Variants in TRIM44 observed in about 807,000 individuals in gnomAD.
The protein encoded by TRIM44 is tripartite motif-containing protein 44.
A neutral mutation model predicts 37.4 loss-of-function variants in TRIM44; 13 were observed. The ratio of observed to expected loss-of-function variants is 0.35; its 90% confidence interval spans 0.23 to 0.55. TRIM44 has a LOEUF of 0.55. TRIM44 is among the 20% of genes least tolerant of loss of function. The pLI is 0.89. For missense variants in TRIM44, 426 were observed against 437.2 expected, an observed-to-expected ratio of 0.97 and a Z score of 0.23; for synonymous variants, 175 against 157.2, an observed-to-expected ratio of 1.11 and a Z score of -0.85.
At chr11:35,755,949 G>T (rs886314159) in intron 4 of TRIM44, among the ~76,000 whole-genome samples, 10 of 151,874 alleles carry the variant, frequency 6.6e-5, no homozygotes, top group African/African-American at 2.2e-4. Context: ...GATGCCTCCA[G>T]CTTTGTTCTT....
At chr11:35,667,325 A>G (rs537982577) in intron 1 of TRIM44, among the ~76,000 whole-genome samples, 18 of 152,340 alleles carry the variant, frequency 1.2e-4, no homozygotes, top group African/African-American at 4.1e-4. Context: ...ATATACCTCA[A>G]AAGCCTGTGT....
Position 35,779,287 on chromosome 11 carries a change from C to T in TRIM44, c.1008-27071C>T, listed in dbSNP as rs552964855. Among the ~76,000 whole-genome samples, 297 of 152,290 alleles carry T rather than the reference C, an allele frequency of 2.0e-3. 2 individuals are homozygous for T. Among genetic ancestry groups the T allele is most frequent in the South Asian group, 4.6e-3 (22 of 4,820 alleles). ...CTCCTGGTGTGCCATTTGCTAAGAC[C>T]GTTGGAAAAGCGCAGTATTAGGGTG... On this transcript the variant is annotated intron_variant, in intron 4 of 4. Transcript: ENST00000299413.
intron 4 of TRIM44, among the ~76,000 whole-genome samples, chr11:35,778,440 G>T (rs1354614365): frequency 6.6e-6 from 1 of 152,010 alleles, no homozygotes; most frequent in South Asian, 2.1e-4. Flanking sequence ...ATTACCAATC[G>T]TCTGAAGCCT....
chr11:35,769,779 G>A (rs570842294), intron 4 of TRIM44, among the ~76,000 whole-genome samples: 1 of 152,256 alleles, frequency 6.6e-6, no homozygotes, highest in South Asian at 2.1e-4. Flanking sequence ...GATGCTTGTT[G>A]AATTAACAAA....
At chr11:35,708,543 A>C (rs947850546) in intron 2 of TRIM44, among the ~76,000 whole-genome samples, 2 of 151,874 alleles carry the variant, frequency 1.3e-5, no homozygotes, top group South Asian at 4.1e-4. Flanking sequence ...CTGGATTAAG[A>C]AAATGTGGCA....
chr11:35,744,088 G>A (rs1407924175), intron 4 of TRIM44, among the ~76,000 whole-genome samples: 2 of 152,204 alleles, frequency 1.3e-5, no homozygotes, highest in African/African-American at 4.8e-5. Flanking sequence ...TAGGTTGGAG[G>A]TGTTTGTTCA....
intron 1 of TRIM44, among the ~76,000 whole-genome samples, chr11:35,678,983 A>T (rs930876106): frequency 6.6e-6 from 1 of 150,558 alleles, no homozygotes; most frequent in Non-Finnish European, 1.5e-5. Flanking sequence ...ACTAAGTTGG[A>T]TTGATTTTTT....
At chr11:35,686,372 TTG>T (rs1564950360) in intron 2 of TRIM44, among the ~76,000 whole-genome samples, 7 of 150,662 alleles carry the variant, frequency 4.6e-5, no homozygotes, top group African/African-American at 1.2e-4. Context: ...GTTTTTGTTT[TTG>T]TTTTTTTTTT....
intron 4 of TRIM44, among the ~76,000 whole-genome samples, chr11:35,805,319 G>A (rs929385776): frequency 8.5e-5 from 13 of 152,184 alleles, no homozygotes; most frequent in African/African-American, 2.9e-4. Flanking sequence ...AGAAGAGGAT[G>A]GGGAGAAACT....
intron 4 of TRIM44, among the ~76,000 whole-genome samples, chr11:35,765,631 A>G (rs536518202): frequency 6.6e-6 from 1 of 152,256 alleles, no homozygotes; most frequent in Non-Finnish European, 1.5e-5. Context: ...TTGCAAGGAG[A>G]GGGTTTTGCC....
intron 2 of TRIM44, among the ~76,000 whole-genome samples, chr11:35,715,429 T>G (rs936683100): frequency 4.0e-5 from 6 of 148,956 alleles, no homozygotes; most frequent in African/African-American, 1.3e-4. Flanking sequence ...TGTGTGTGTG[T>G]GGGTGTGGGT....
intron 4 of TRIM44, among the ~76,000 whole-genome samples, chr11:35,780,052 T>C (rs1853040681): frequency 6.6e-6 from 1 of 152,140 alleles, no homozygotes; most frequent in Non-Finnish European, 1.5e-5. Flanking sequence ...TGCCTCCAGC[T>C]TTGTTCTTTT....
chr11:35,787,457 C>T (rs924358413), intron 4 of TRIM44, among the ~76,000 whole-genome samples: 1 of 152,170 alleles, frequency 6.6e-6, no homozygotes, highest in African/African-American at 2.4e-5. Flanking sequence ...CTAATCATCC[C>T]TTATTCCACA....
At chr11:35,674,952 G>T (rs933126478) in intron 1 of TRIM44, among the ~76,000 whole-genome samples, 4 of 152,194 alleles carry the variant, frequency 2.6e-5, no homozygotes, top group Non-Finnish European at 5.9e-5. Flanking sequence ...CTTGAAAGAT[G>T]GGTAGGGTGT....
At chr11:35,718,194 G>C (rs901860944) in intron 2 of TRIM44, among the ~76,000 whole-genome samples, 2 of 152,152 alleles carry the variant, frequency 1.3e-5, no homozygotes, top group Admixed American at 1.3e-4. Context: ...GGTCTTAAAG[G>C]TATTAAATGG....
intron 4 of TRIM44, among the ~76,000 whole-genome samples, chr11:35,752,944 TAAATG>T (rs1227581672): frequency 6.6e-6 from 1 of 152,250 alleles, no homozygotes; most frequent in Non-Finnish European, 1.5e-5. Flanking sequence ...CGCTAGAACA[TAAATG>T]TAATAAGGGT....
At chr11:35,794,668 T>A (rs1272441273) in intron 4 of TRIM44, among the ~76,000 whole-genome samples, 1 of 152,210 alleles carries the variant, frequency 6.6e-6, no homozygotes, top group Non-Finnish European at 1.5e-5. Flanking sequence ...AGGTTGGATT[T>A]ACCTGTCAAA....
At chr11:35,669,498 G>A (rs1356445590) in intron 1 of TRIM44, among the ~76,000 whole-genome samples, 1 of 146,294 alleles carries the variant, frequency 6.8e-6, no homozygotes, top group African/African-American at 2.5e-5. Context: ...ATTTAGAGAC[G>A]AAGTTTCACT....
chr11:35,767,992 AG>A (rs1359729449), intron 4 of TRIM44, among the ~76,000 whole-genome samples: 1 of 152,180 alleles, frequency 6.6e-6, no homozygotes, highest in Non-Finnish European at 1.5e-5. Flanking sequence ...TTAGTTTGTA[AG>A]GCTGCTCACA....
Sources: allele counts gnomAD v4.1 joint callset (sites outside exome capture counted in the v4.1 genomes callset), GRCh38; gene constraint gnomAD v4.1.1; transcripts MANE v1.5; gene names NCBI Gene and HGNC (gene_info 2026-07-23, HGNC 2026-07-21).